Variants in GNA12 observed in about 807,000 individuals in gnomAD.
GNA12 encodes the protein guanine nucleotide-binding protein subunit alpha-12.
A neutral mutation model predicts 26.0 loss-of-function variants in GNA12; 9 were observed. That is an observed-to-expected ratio of 0.35 (90% CI 0.21 to 0.60). GNA12 has a LOEUF of 0.60. Ranked by LOEUF, GNA12 falls within the 20% of genes least tolerant of loss-of-function variation. The probability of loss-of-function intolerance (pLI) is 0.78; values close to 1 mark genes in which losing one functional copy is unlikely to be tolerated. For synonymous variants in GNA12, 264 were observed against 219.6 expected (o/e 1.20, Z -1.79); for missense variants, 405 against 525.8 (o/e 0.77, Z 2.25).
Position 2,842,569 on chromosome 7 carries a change from A to T in GNA12, c.309+1284T>A, listed in dbSNP as rs114653773. ...TGCCTCAGCTTCCCAAAGTGCAGGG[A>T]TTACAGGCACGAGCCATCACACCTG... On this transcript the variant is annotated intron_variant, in intron 1 of 3. Transcript: ENST00000275364. Among the ~76,000 whole-genome samples, 901 of 152,262 alleles carry T rather than the reference A, an allele frequency of 5.9e-3. 9 individuals are homozygous for T. The highest frequency in any genetic ancestry group is 0.02 in the African/African-American group (849 of 41,548).
intron 2 of GNA12, among the ~76,000 whole-genome samples, chr7:2,780,081 T>TATATATATATAC: frequency 7.6e-6 from 1 of 131,626 alleles, no homozygotes; most frequent in South Asian, 2.4e-4. Context: ...TATATATATA[T>TATATATATATAC]ATATATATAT....
Position 2,812,265 on chromosome 7 carries a change from T to G in GNA12, c.310-17122A>C, listed in dbSNP as rs182531310. Among the ~76,000 whole-genome samples the G allele has an allele frequency of 6.6e-5, 10 of 152,374 alleles. No individual in the cohort carries two copies. The East Asian group carries it at 1.9e-3, about 29-fold the overall frequency. ...ATGGTAAATAACTCAATGTTTTTCT[T>G]GGCTTGCTTTTCCTTCTAAAGCTGC... is the stretch of plus-strand genomic sequence containing the variant. On this transcript the variant is annotated intron_variant, in intron 1 of 3. Transcript: ENST00000275364.
intron 1 of GNA12, among the ~76,000 whole-genome samples, chr7:2,829,758 G>A (rs905744862): frequency 6.6e-6 from 1 of 152,126 alleles, no homozygotes. Context: ...CTGCCATGTT[G>A]TCCCTTTCCA....
At chr7:2,784,842 G>C (rs896553900) in intron 2 of GNA12, among the ~76,000 whole-genome samples, 3 of 152,050 alleles carry the variant, frequency 2.0e-5, no homozygotes, top group African/African-American at 7.3e-5. Context: ...GTTGACTTTT[G>C]CCATACAAAT....
In GNA12 at chr7:2,731,954, G is replaced by A. The variant is rs145554441; in HGVS notation, c.577-204C>T. ...TCAAATACTTCATTTCAAAACGAAC[G>A]GAGGCTCACCAGTCTGAGGACGAAT... On this transcript the variant is annotated intron_variant, in intron 3 of 3. Transcript: ENST00000275364. This position sits in a 1 kb window ranked among gnomAD's most constrained non-coding sequence, Gnocchi z 6.0. 6.7e-3 allele frequency among the ~76,000 whole-genome samples: 1,025 copies of A among 152,266 alleles called. 6 individuals are homozygous for A. Among genetic ancestry groups the A allele is most frequent in the Non-Finnish European group, 0.011 (739 of 68,010 alleles).
chr7:2,772,087 C>A (rs1241407745), intron 2 of GNA12, among the ~76,000 whole-genome samples: 1 of 152,240 alleles, frequency 6.6e-6, no homozygotes, highest in South Asian at 2.1e-4. Context: ...TTGTTCAAAT[C>A]TTTTGTCCTT....
chr7:2,815,019 C>T (rs1793183912), intron 1 of GNA12: 2 of 1,523,336 alleles, frequency 1.3e-6, no homozygotes, highest in South Asian at 1.2e-5. Context: ...GCCCCTTCCA[C>T]CCAATCCAGT....
At chr7:2,765,470 G>A (rs1791764835) in intron 2 of GNA12, among the ~76,000 whole-genome samples, 1 of 151,998 alleles carries the variant, frequency 6.6e-6, no homozygotes, top group Non-Finnish European at 1.5e-5. Context: ...ACAACAGGAA[G>A]ACTTTGTTAA....
chr7:2,764,405 G>C (rs1446938589), intron 2 of GNA12, among the ~76,000 whole-genome samples: 1 of 152,118 alleles, frequency 6.6e-6, no homozygotes. Context: ...TATTCACACA[G>C]AAGTACATCT....
chr7:2,731,074 C>T lies in GNA12; in HGVS notation c.*107G>A, dbSNP rs761499463. The T allele has an allele frequency of 3.2e-5, 23 of 721,132 alleles. No homozygotes were observed. The highest frequency in any genetic ancestry group is 3.2e-4 in the Middle Eastern group (1 of 3,100). 44.7% of individuals were successfully genotyped at this position (721,132 alleles called of 1,614,324 possible). On this transcript the variant is annotated 3_prime_UTR_variant, in exon 4 of 4. Transcript: ENST00000275364. The surrounding 1 kb of genome is among the most constrained non-coding windows in gnomAD (Gnocchi z 6.0). The stretch of plus-strand genomic sequence containing the variant: ...TTCCTGAGCCAGGTATTCCAGGGCA[C>T]GGATCCGAGAAACCCACTCAAGGAC...
At chr7:2,795,190 C>A (rs775950051) in intron 1 of GNA12, 47 bp from the exon 2 acceptor site, 1 of 1,398,518 alleles carries the variant, frequency 7.2e-7, no homozygotes, top group East Asian at 2.3e-5. Context: ...ATTCCAAAGA[C>A]TAAACCACGC....
intron 1 of GNA12, among the ~76,000 whole-genome samples, chr7:2,812,739 G>A (rs1001808055): frequency 2.2e-5 from 3 of 135,428 alleles, no homozygotes; most frequent in African/African-American, 7.8e-5. Flanking sequence ...CTTCTACGAT[G>A]GTGCTTCACC....
rs1340785130 is a variant in GNA12 at position 2,788,055 on chromosome 7, G to T, written c.525+6873C>A. 2.0e-5 allele frequency among the ~76,000 whole-genome samples: 3 copies of T among 152,256 alleles called. No individual in the cohort carries two copies. In the East Asian group the frequency reaches 5.8e-4, roughly 29 times the overall value. ...CTGTAATCCCAGCTGCTCGTGGGAG[G>T]CTGAGGGAGAATCGCTTGAACCCAG... On this transcript the variant is annotated intron_variant, in intron 2 of 3. Transcript: ENST00000275364.
chr7:2,843,652 G>A (rs1779071147), intron 1 of GNA12, among the ~76,000 whole-genome samples: 1 of 151,532 alleles, frequency 6.6e-6, no homozygotes, highest in Non-Finnish European at 1.5e-5. Flanking sequence ...ATCTCAAAAA[G>A]GGCGAGACGG....
intron 1 of GNA12, among the ~76,000 whole-genome samples, chr7:2,823,501 C>G (rs1331008885): frequency 1.3e-5 from 2 of 152,134 alleles, no homozygotes; most frequent in African/African-American, 4.8e-5. Context: ...TTTGGTCTTT[C>G]AAGCATGCTA....
chr7:2,737,264 G>GTTTTTTTTTTTTTTTTTTT (rs201866976), intron 2 of GNA12, among the ~76,000 whole-genome samples: 1 of 52,452 alleles, frequency 1.9e-5, no homozygotes. Context: ...CTATCTCACA[G>GTTTTTTTTTTTTTTTTTTT]TTTTGTTTTG....
intron 2 of GNA12, among the ~76,000 whole-genome samples, chr7:2,790,856 C>A (rs771037073): frequency 1.2e-4 from 18 of 151,988 alleles, no homozygotes; most frequent in Non-Finnish European, 2.1e-4. Context: ...TGCCTGTGAT[C>A]CCAACTACTC....
chr7:2,787,856 G>A (rs1486213030), intron 2 of GNA12, among the ~76,000 whole-genome samples: 1 of 152,196 alleles, frequency 6.6e-6, no homozygotes, highest in Non-Finnish European at 1.5e-5. Flanking sequence ...CCACGGCAGA[G>A]AGAAAACAAA....
chr7:2,830,975 G>C (rs967106054), intron 1 of GNA12, among the ~76,000 whole-genome samples: 1 of 151,624 alleles, frequency 6.6e-6, no homozygotes, highest in Non-Finnish European at 1.5e-5. Context: ...AAAAACAAAA[G>C]CTCCCAATGC....
Sources: allele counts gnomAD v4.1 joint callset (sites outside exome capture counted in the v4.1 genomes callset), GRCh38; gene constraint gnomAD v4.1.1; non-coding constraint Gnocchi (gnomAD v3.1); transcripts MANE v1.5; gene names NCBI Gene and HGNC (gene_info 2026-07-23, HGNC 2026-07-21).